The following SCFD2 variants were observed in gnomAD, a reference collection of about 807,000 sequenced individuals.
SCFD2 encodes the protein sec1 family domain-containing protein 2.
SCFD2 carries 54 observed loss-of-function variants against 58.9 expected under a neutral mutation model. The ratio of observed to expected loss-of-function variants is 0.92; its 90% CI spans 0.74 to 1.15. The LOEUF is 1.15. SCFD2 is among the 50% of genes most tolerant of loss of function. The pLI is 0.00. For missense variants in SCFD2, 805 were observed against 836.6 expected (o/e 0.96, Z 0.47); for synonymous variants, 321 against 335.9 (o/e 0.96, Z 0.49).
At chr4:53,035,897 C>G (rs1722746188) in intron 5 of SCFD2, among the ~76,000 whole-genome samples, 1 of 152,084 alleles carries the variant, frequency 6.6e-6, no homozygotes, top group African/African-American at 2.4e-5. Context: ...ATTAGTTCCA[C>G]CATTGTGGAA....
intron 2 of SCFD2, among the ~76,000 whole-genome samples, chr4:53,328,107 C>T (rs1019091039): frequency 6.6e-5 from 10 of 151,400 alleles, no homozygotes; most frequent in Non-Finnish European, 1.3e-4. Context: ...TGCAACCCAG[C>T]CTGGGTGACA....
chr4:53,314,251 G>T (rs1446726512), intron 2 of SCFD2, among the ~76,000 whole-genome samples: 1 of 152,190 alleles, frequency 6.6e-6, no homozygotes, highest in East Asian at 1.9e-4. Context: ...TTCCTAATTA[G>T]TAGGCTTCCT....
chr4:53,306,643 G>C (rs1435355992), intron 3 of SCFD2, among the ~76,000 whole-genome samples: 2 of 152,060 alleles, frequency 1.3e-5, no homozygotes, highest in Non-Finnish European at 2.9e-5. Flanking sequence ...CAAGCCAATG[G>C]CCAATGAAGG....
At chr4:53,179,094 G>T (rs1469598572) in intron 4 of SCFD2, among the ~76,000 whole-genome samples, 1 of 152,186 alleles carries the variant, frequency 6.6e-6, no homozygotes, top group African/African-American at 2.4e-5. Context: ...TTATCCAGGA[G>T]AACTTCCCCA....
chr4:52,995,627 C>T (rs574281620), intron 5 of SCFD2, among the ~76,000 whole-genome samples: 2 of 152,338 alleles, frequency 1.3e-5, no homozygotes, highest in South Asian at 4.1e-4. Flanking sequence ...TCATGTCTTT[C>T]ACAATAAACC....
chr4:53,244,072 G>T (rs1013024437), intron 4 of SCFD2, among the ~76,000 whole-genome samples: 3 of 152,000 alleles, frequency 2.0e-5, no homozygotes, highest in African/African-American at 7.3e-5. Context: ...CCTAACACAG[G>T]AGCATCCAGA....
At chr4:53,251,288 G>A (rs529479492) in intron 4 of SCFD2, among the ~76,000 whole-genome samples, 179 of 152,138 alleles carry the variant, frequency 1.2e-3, no homozygotes, top group African/African-American at 3.8e-3. Context: ...ATTCACAGCC[G>A]AATTCTACCA....
chr4:52,926,352 C>A (rs1211359889), intron 5 of SCFD2, among the ~76,000 whole-genome samples: 1 of 151,932 alleles, frequency 6.6e-6, no homozygotes, highest in East Asian at 2.0e-4. Context: ...GCTGAAGTAG[C>A]CCTTACCTGA....
chr4:53,145,719 T>G, intron 4 of SCFD2, 137 bp from the exon 5 acceptor site: 2 of 833,812 alleles, frequency 2.4e-6, no homozygotes, highest in East Asian at 5.4e-5. Flanking sequence ...TTTGTGTGTT[T>G]CTTGTCCTGG....
intron 5 of SCFD2, among the ~76,000 whole-genome samples, chr4:53,119,795 C>G (rs1725427885): frequency 6.6e-6 from 1 of 152,194 alleles, no homozygotes; most frequent in Non-Finnish European, 1.5e-5. Context: ...AACCCTGGGG[C>G]CAATCAGCAG....
chr4:52,996,063 C>T (rs1002157898), intron 5 of SCFD2, among the ~76,000 whole-genome samples: 1 of 152,222 alleles, frequency 6.6e-6, no homozygotes, highest in Non-Finnish European at 1.5e-5. Flanking sequence ...TTTTGAGTCA[C>T]TTTCTTCCTC....
chr4:52,894,539 T>C (rs1718954362), intron 7 of SCFD2, among the ~76,000 whole-genome samples: 1 of 152,260 alleles, frequency 6.6e-6, no homozygotes, highest in African/African-American at 2.4e-5. Flanking sequence ...TTGATTTATT[T>C]GTTAGATCAT....
At chr4:53,200,505 A>T (rs972963049) in intron 4 of SCFD2, among the ~76,000 whole-genome samples, 2 of 152,122 alleles carry the variant, frequency 1.3e-5, no homozygotes, top group Non-Finnish European at 2.9e-5. Flanking sequence ...AGGAAAATAT[A>T]AGCACTGTCT....
chr4:53,151,424 T>G (rs1451470681), intron 4 of SCFD2, among the ~76,000 whole-genome samples: 1 of 152,214 alleles, frequency 6.6e-6, no homozygotes, highest in East Asian at 1.9e-4. Context: ...TATTCTTGAA[T>G]GAGTCCTCAG....
chr4:52,959,983 G>A (rs1178333875), intron 5 of SCFD2, among the ~76,000 whole-genome samples: 1 of 151,784 alleles, frequency 6.6e-6, no homozygotes, highest in Non-Finnish European at 1.5e-5. Context: ...AACAATGTGA[G>A]AGAAAATAGG....
intron 4 of SCFD2, among the ~76,000 whole-genome samples, chr4:53,161,572 T>C (rs1336396579): frequency 1.3e-5 from 2 of 152,156 alleles, no homozygotes; most frequent in Non-Finnish European, 2.9e-5. Context: ...TATAAACTTT[T>C]TTGTAACGTT....
intron 4 of SCFD2, among the ~76,000 whole-genome samples, chr4:53,232,999 C>T (rs752337594): frequency 6.6e-6 from 1 of 152,178 alleles, no homozygotes; most frequent in Non-Finnish European, 1.5e-5. Context: ...TTAAGCTAAC[C>T]TCTAGCACTC....
chr4:52,918,255 G>A (rs1719653967), intron 6 of SCFD2, among the ~76,000 whole-genome samples: 1 of 152,224 alleles, frequency 6.6e-6, no homozygotes, highest in African/African-American at 2.4e-5. Context: ...TGGACTCTGA[G>A]TCTAGTCTGG....
chr4:52,955,527 G>T (rs1373192957), intron 5 of SCFD2, among the ~76,000 whole-genome samples: 1 of 152,168 alleles, frequency 6.6e-6, no homozygotes, highest in Admixed American at 6.5e-5. Context: ...CAGTTTTCAT[G>T]CGTGGGAACT....
Sources: gnomAD v4.1 joint callset for allele counts (sites outside exome capture counted in the v4.1 genomes callset) on GRCh38, gnomAD v4.1.1 for gene constraint, MANE v1.5 for transcripts, NCBI Gene and HGNC (gene_info 2026-07-23, HGNC 2026-07-21) for gene names.